Variants in DEAF1 observed in about 807,000 individuals in gnomAD.
The protein encoded by DEAF1 is DEAF1 transcription factor.
A neutral mutation model predicts 58.9 loss-of-function variants in DEAF1; 53 were observed. That is an observed-to-expected ratio of 0.90 (90% CI 0.72 to 1.13). The LOEUF (loss-of-function observed/expected upper bound fraction) is 1.13. DEAF1 is among the 50% of genes most tolerant of loss of function. The pLI is 0.00. For synonymous variants in DEAF1, 385 were observed against 340.4 expected (o/e 1.13, Z -1.44); for missense variants, 685 against 791.4 (o/e 0.87, Z 1.61).
At chr11:695,671 G>A (rs1861097973), upstream of DEAF1, 2 of 1,244,140 alleles carry the variant, frequency 1.6e-6, no homozygotes, top group South Asian at 3.9e-5. Context: ...GTGCCGGACG[G>A]ACTAATCGGG....
intron 10 of DEAF1, 34 bp from the exon 11 acceptor site, chr11:654,085 G>A (rs374710592): frequency 2.8e-5 from 44 of 1,595,790 alleles, no homozygotes; most frequent in Middle Eastern, 1.7e-4. Flanking sequence ...AGTCAGTGAC[G>A]TGGCCGTGGA....
At chr11:678,518 G>T in intron 9 of DEAF1, 176 bp downstream of exon 9, 1 of 949,692 alleles carries the variant, frequency 1.1e-6, no homozygotes, top group Non-Finnish European at 1.6e-6. Context: ...CTGTGTGTCA[G>T]TAAAACTTTA....
At chr11:685,088 T>A in intron 5 of DEAF1, 125 bp from the exon 6 acceptor site, 1 of 796,264 alleles carries the variant, frequency 1.3e-6, no homozygotes, top group Non-Finnish European at 1.9e-6. Flanking sequence ...AATTCTTTTT[T>A]TTTTTTTTTT....
chr11:679,600 C>A, intron 8 of DEAF1, 88 bp downstream of exon 8: 2 of 1,590,128 alleles, frequency 1.3e-6, no homozygotes, highest in Non-Finnish European at 1.7e-6. Flanking sequence ...CACCCAGCAG[C>A]CTATGCAGCC....
At chr11:702,909 C>T (rs767721565) in intron 1 of DEAF1, 45 of 1,553,476 alleles carry the variant, frequency 2.9e-5, no homozygotes, top group South Asian at 5.9e-5. Context: ...GGGAGCGCCT[C>T]GCACCACCTT....
Position 654,027 on chromosome 11 carries a change from C to G in DEAF1, c.1528G>C (p.Glu510Gln). 6.2e-7 allele frequency: 1 copy of G among 1,613,800 alleles called. No homozygotes were observed. Among genetic ancestry groups the G allele is most frequent in the Non-Finnish European group, 8.5e-7 (1 of 1,179,972 alleles). ...KEQSCVNCGR[E>Q]AMSECTGCHK... Reference sequence around the variant, plus strand: ...CAGCCGGTGCACTCGCTCATAGCCTCCCGGCCGCAGTTAACGCAGGACTGC... The same window carrying G: ...CAGCCGGTGCACTCGCTCATAGCCTGCCGGCCGCAGTTAACGCAGGACTGC... Residue 510 changes from glutamate to glutamine, a missense_variant, in exon 11 of 12, where the codon GAG becomes CAG. This residue lies in a region of DEAF1 where 343 missense variants were observed against 379.8 expected (regional missense o/e 0.90). Transcript: ENST00000382409.
At chr11:658,040 G>A (rs1859142004) in intron 10 of DEAF1, among the ~76,000 whole-genome samples, 1 of 152,190 alleles carries the variant, frequency 6.6e-6, no homozygotes, top group African/African-American at 2.4e-5. Flanking sequence ...AGTTACAGAG[G>A]GGAGGCTGCG....
chr11:703,023 C>T (rs1458649292), intron 1 of DEAF1: 1 of 1,612,716 alleles, frequency 6.2e-7, no homozygotes. Flanking sequence ...GCCCTCCTCT[C>T]TGCCCACTTC....
At chr11:663,148 T>TA (rs1859387245) in intron 10 of DEAF1, among the ~76,000 whole-genome samples, 1 of 152,252 alleles carries the variant, frequency 6.6e-6, no homozygotes, top group South Asian at 2.1e-4. Flanking sequence ...GCTGTCTCTA[T>TA]AAAAAACACA....
chr11:686,516 A>C (rs1860599684), intron 5 of DEAF1, among the ~76,000 whole-genome samples: 2 of 152,216 alleles, frequency 1.3e-5, no homozygotes, highest in Non-Finnish European at 2.9e-5. Context: ...AAAGGGTCAC[A>C]CGCATTCAAA....
At position 649,420 on chromosome 11, in the gene DEAF1, T is replaced by TA. The variant is rs1165672375; in HGVS notation, c.1593+4541dup. Among the ~76,000 whole-genome samples, 356 of 117,674 alleles carry TA rather than the reference T, an allele frequency of 3.0e-3. 1 individual carries two copies. The highest frequency in any genetic ancestry group is 8.8e-3 in the African/African-American group (313 of 35,428). The allele number at this position is 117,674 out of a possible 152,430, so 77.2% of individuals were successfully genotyped here. On this transcript the variant is annotated intron_variant, in intron 11 of 11. Transcript: ENST00000382409. The stretch of plus-strand genomic sequence containing the variant: ...CTGGGTGACAGAGAGAGACCCCACT[T>TA]AAAAAAAAAAACAAAACAGCTGGGT...
intron 10 of DEAF1, among the ~76,000 whole-genome samples, chr11:668,729 A>G (rs1369559865): frequency 6.6e-6 from 1 of 152,186 alleles, no homozygotes; most frequent in Non-Finnish European, 1.5e-5. Context: ...GGCTGAGGCA[A>G]GAGGATTGCT....
intron 10 of DEAF1, among the ~76,000 whole-genome samples, chr11:663,429 CAG>C (rs1329682225): frequency 6.6e-6 from 1 of 152,218 alleles, no homozygotes; most frequent in Non-Finnish European, 1.5e-5. Flanking sequence ...GCCTGGGTGA[CAG>C]AGTGAGACTC....
At position 648,479 on chromosome 11, in the gene DEAF1, G is replaced by A. The variant is rs568175644; in HGVS notation, c.1594-3825C>T. On this transcript the variant is annotated intron_variant, in intron 11 of 11. Coordinates refer to ENST00000382409, the MANE Select transcript of DEAF1 (RefSeq NM_021008.4). ...CAAAGTGCTGGGATTACAGGCGTGA[G>A]CCACCGTGCCCAGCTGAAGGCAGCT... is the stretch of plus-strand genomic sequence containing the variant. 4.6e-5 allele frequency among the ~76,000 whole-genome samples: 7 copies of A among 152,308 alleles called. No individual in the cohort carries two copies. The East Asian group carries it at 1.4e-3, about 29-fold the overall frequency.
chr11:688,351 G>T lies in DEAF1; in HGVS notation c.497C>A (p.Pro166Gln). 1 of 1,613,704 alleles carries T rather than the reference G, an allele frequency of 6.2e-7. No homozygotes were observed. The highest frequency in any genetic ancestry group is 2.2e-5 in the East Asian group (1 of 44,884). Residue 166 changes from proline (P) to glutamine (Q), a missense_variant, in exon 3 of 12, where the codon CCG (proline) becomes CAG (glutamine). By Grantham distance (76) the Pro-to-Gln change is moderately conservative. Coordinates refer to ENST00000382409, the MANE Select transcript of DEAF1 (RefSeq NM_021008.4). This position sits in a 1 kb window ranked among gnomAD's most constrained non-coding sequence, Gnocchi z 4.3. ...SIVETTGLKG[P>Q]AAPLTPGPQS... is the part of the protein sequence containing the mutation. ...TGTACCTGGGGTGAGGGGAGCTGCC[G>T]GGCCTTTCAGCCCGGTGGTCTCCAC... is the stretch of plus-strand genomic sequence containing the variant.
intron 11 of DEAF1, among the ~76,000 whole-genome samples, chr11:645,691 G>A (rs984786638): frequency 6.6e-6 from 1 of 152,174 alleles, no homozygotes; most frequent in Admixed American, 6.5e-5. Flanking sequence ...AAGGAGGTGG[G>A]GGATGGTGCC....
chr11:679,526 C>T (rs1860244326), intron 8 of DEAF1, among the ~76,000 whole-genome samples, 162 bp downstream of exon 8: 1 of 152,240 alleles, frequency 6.6e-6, no homozygotes, highest in South Asian at 2.1e-4. Flanking sequence ...ACTGCACCGC[C>T]CACCTGACGT....
intron 8 of DEAF1, 126 bp from the exon 9 acceptor site, chr11:678,948 C>T: frequency 7.9e-7 from 1 of 1,267,394 alleles, no homozygotes. Context: ...GGCTACTGAG[C>T]CCCTGAAATG....
chr11:658,173 A>C (rs1182950199), intron 10 of DEAF1, among the ~76,000 whole-genome samples: 3 of 152,224 alleles, frequency 2.0e-5, no homozygotes, highest in African/African-American at 7.2e-5. Context: ...TCACGCCTGT[A>C]ATCCCAGCAC....
Sources: allele counts gnomAD v4.1 joint callset (sites outside exome capture counted in the v4.1 genomes callset), GRCh38; gene constraint gnomAD v4.1.1; regional missense constraint gnomAD v4.1.1; non-coding constraint Gnocchi (gnomAD v3.1); transcripts MANE v1.5; gene names NCBI Gene and HGNC (gene_info 2026-07-23, HGNC 2026-07-21).